The following CAST variants were observed in gnomAD, a reference collection of about 807,000 sequenced individuals.
CAST encodes MIR583 host.
A neutral mutation model predicts 119.6 loss-of-function variants in CAST; 76 were observed. The ratio of observed to expected loss-of-function variants is 0.64; its 90% CI spans 0.53 to 0.77. CAST has a LOEUF of 0.77. Ranked by LOEUF, CAST falls within the 30% of genes least tolerant of loss-of-function variation. CAST has a pLI of 0.00. For missense variants in CAST, 953 were observed against 946.5 expected (o/e 1.01, Z -0.09); for synonymous variants, 319 against 331.6 (o/e 0.96, Z 0.41).
the CAST span, among the ~76,000 whole-genome samples, chr5:96,452,943 C>T: frequency 1.2e-5 from 1 of 86,146 alleles, no homozygotes. Context: ...GGCGACAGAG[C>T]GAGACTCCGT....
chr5:96,748,178 A>G (rs1764181227), intron 18 of CAST, among the ~76,000 whole-genome samples: 1 of 152,244 alleles, frequency 6.6e-6, no homozygotes, highest in Non-Finnish European at 1.5e-5. Context: ...AGGAAATAGG[A>G]AAATAATAAT....
chr5:96,185,861 A>T, the CAST span, among the ~76,000 whole-genome samples: 730 of 147,972 alleles, frequency 4.9e-3, 6 homozygotes, highest in South Asian at 7.3e-3. Flanking sequence ...TGAATTTTAA[A>T]TTTTTTTTTT....
At chr5:96,536,873 C>A (rs566722569) in intron 1 of CAST, among the ~76,000 whole-genome samples, 1 of 152,170 alleles carries the variant, frequency 6.6e-6, no homozygotes, top group African/African-American at 2.4e-5. Flanking sequence ...AAGAATATAA[C>A]GTGTGATTTA....
chr5:96,114,989 G>A, the CAST span, among the ~76,000 whole-genome samples: 1 of 152,214 alleles, frequency 6.6e-6, no homozygotes, highest in Non-Finnish European at 1.5e-5. Context: ...GGGTTCTGTA[G>A]TATCTGTCTC....
the CAST span, among the ~76,000 whole-genome samples, chr5:96,006,213 TG>T: frequency 1.3e-5 from 2 of 152,084 alleles, no homozygotes; most frequent in South Asian, 4.1e-4. Flanking sequence ...TAGTTGGAGA[TG>T]GGGTGGTCAA....
chr5:96,354,882 T>C, the CAST span, among the ~76,000 whole-genome samples: 2 of 151,752 alleles, frequency 1.3e-5, no homozygotes, highest in Non-Finnish European at 2.9e-5. Flanking sequence ...AATTTACTTT[T>C]TATTTTTTCT....
chr5:96,363,141 T>C, the CAST span, among the ~76,000 whole-genome samples: 1 of 148,958 alleles, frequency 6.7e-6, no homozygotes, highest in Admixed American at 6.7e-5. Flanking sequence ...GATCAGATGG[T>C]TGTAGATGTG....
intron 1 of CAST, among the ~76,000 whole-genome samples, chr5:96,615,609 G>A (rs766532564): frequency 1.4e-4 from 22 of 152,202 alleles, no homozygotes; most frequent in Non-Finnish European, 2.6e-4. Flanking sequence ...CAGGGAAGGA[G>A]GCCAGGGAGC....
chr5:96,215,612 A>G, the CAST span: 1 of 152,040 alleles, frequency 6.6e-6, no homozygotes, highest in South Asian at 2.1e-4. Context: ...AGTTGCAAAT[A>G]TGCCTGTCTC....
chr5:96,543,674 A>G (rs1344204165), intron 1 of CAST, among the ~76,000 whole-genome samples: 1 of 152,182 alleles, frequency 6.6e-6, no homozygotes, highest in Non-Finnish European at 1.5e-5. Flanking sequence ...CAAACCCAAA[A>G]TCACCCAGAA....
intron 11 of CAST, among the ~76,000 whole-genome samples, chr5:96,738,365 G>T (rs946827727): frequency 6.6e-6 from 1 of 152,100 alleles, no homozygotes; most frequent in Admixed American, 6.6e-5. Flanking sequence ...ATAGAAACAG[G>T]ATGATGTCAG....
the CAST span, among the ~76,000 whole-genome samples, chr5:96,349,768 ACTC>A: frequency 6.6e-6 from 1 of 152,106 alleles, no homozygotes; most frequent in Non-Finnish European, 1.5e-5. Context: ...GAGCCAGTAA[ACTC>A]CTTTCTGTTT....
At chr5:96,563,620 GAATTTTATAC>G (rs1746420778) in intron 1 of CAST, among the ~76,000 whole-genome samples, 1 of 151,510 alleles carries the variant, frequency 6.6e-6, no homozygotes, top group South Asian at 2.1e-4. Flanking sequence ...GATACTTTTT[GAATTTTATAC>G]CATATTACAT....
chr5:96,270,624 C>T, the CAST span, among the ~76,000 whole-genome samples: 2 of 152,142 alleles, frequency 1.3e-5, no homozygotes, highest in African/African-American at 4.8e-5. Flanking sequence ...CCAAACACCA[C>T]ATGTTCTCAC....
chr5:96,602,153 CA>C (rs1747165698), intron 1 of CAST, among the ~76,000 whole-genome samples: 1 of 152,184 alleles, frequency 6.6e-6, no homozygotes, highest in African/African-American at 2.4e-5. Flanking sequence ...TGCTCTGACT[CA>C]AGACACCATG....
chr5:95,995,367 C>T, the CAST span, among the ~76,000 whole-genome samples: 7 of 152,060 alleles, frequency 4.6e-5, no homozygotes, highest in African/African-American at 1.7e-4. Flanking sequence ...CAATAGTTAC[C>T]TGCTTCTTCT....
At chr5:96,527,136 A>T (rs1372187970), upstream of CAST, among the ~76,000 whole-genome samples, 3 of 152,216 alleles carry the variant, frequency 2.0e-5, no homozygotes, top group African/African-American at 7.2e-5. Context: ...ATATACATTT[A>T]TCTCAGGGTA....
At chr5:96,608,758 A>T (rs1747304807) in intron 1 of CAST, among the ~76,000 whole-genome samples, 1 of 152,194 alleles carries the variant, frequency 6.6e-6, no homozygotes, top group Non-Finnish European at 1.5e-5. Flanking sequence ...ATGACTGGGA[A>T]GACCTCAGAA....
the CAST span, among the ~76,000 whole-genome samples, chr5:96,373,308 A>T: frequency 6.6e-6 from 1 of 152,216 alleles, no homozygotes; most frequent in Non-Finnish European, 1.5e-5. Context: ...TTTATAATGG[A>T]TAATAGGTTC....
Sources: allele counts gnomAD v4.1 joint callset (sites outside exome capture counted in the v4.1 genomes callset), GRCh38; gene constraint gnomAD v4.1.1; transcripts MANE v1.5; gene names NCBI Gene and HGNC (gene_info 2026-07-23, HGNC 2026-07-21).